The following CELA1 variants were observed in gnomAD, a reference collection of about 807,000 sequenced individuals.
CELA1 encodes chymotrypsin like elastase 1.
A neutral mutation model predicts 34.8 loss-of-function variants in CELA1; 28 were observed. The observed-to-expected ratio is 0.80, with a 90% CI of 0.60 to 1.10. The LOEUF (loss-of-function observed/expected upper bound fraction) is 1.10. CELA1 is among the 50% of genes least tolerant of loss of function. CELA1 has a pLI of 0.00. For missense variants in CELA1, 288 were observed against 327.5 expected, an observed-to-expected ratio of 0.88 and a Z score of 0.93; for synonymous variants, 140 against 129.8, an observed-to-expected ratio of 1.08 and a Z score of -0.53.
In CELA1 at chr12:51,328,575, G is replaced by A. The variant is rs200028711; in HGVS notation, c.*2C>T. ...GGAAGGTCGTTGGACTCAGGAAAAT[G>A]TTCAGTTGGAGGCGATGACCTGAAG... is the stretch of plus-strand genomic sequence containing the variant. On this transcript the variant is annotated 3_prime_UTR_variant, in exon 8 of 8. Coordinates refer to ENST00000293636, the MANE Select transcript of CELA1 (RefSeq NM_001971.6). 1 of 1,614,126 alleles carries A rather than the reference G, an allele frequency of 6.2e-7. No homozygotes were observed. Among genetic ancestry groups the A allele is most frequent in the East Asian group, 2.2e-5 (1 of 44,888 alleles).
chr12:51,345,926 C>A, intron 1 of CELA1, 49 bp from the exon 2 acceptor site: 5 of 1,356,636 alleles, frequency 3.7e-6, no homozygotes, highest in African/African-American at 1.5e-5. Context: ...TGGGGTCAGC[C>A]AGGGGTAGGG....
chr12:51,340,388 C>CTTTTTTT (rs11315182), intron 5 of CELA1, among the ~76,000 whole-genome samples: 5 of 121,552 alleles, frequency 4.1e-5, no homozygotes, highest in East Asian at 2.3e-4. Context: ...TTCTTTCTTT[C>CTTTTTTT]TTTTTTTTTT....
In CELA1 at chr12:51,340,628, C is replaced by A. The variant is rs143507345; in HGVS notation, c.463+616G>T. On this transcript the variant is annotated intron_variant, in intron 5 of 7. Transcript: ENST00000293636. The stretch of plus-strand genomic sequence containing the variant: ...TAAGCGATCCTCCTTCCTCAGCCTC[C>A]TGAGTACCTGGGACTACAGACTCAT... Among the ~76,000 whole-genome samples the A allele has an allele frequency of 4.9e-3, 753 of 152,144 alleles. 5 individuals are homozygous for A. Among genetic ancestry groups the A allele is most frequent in the African/African-American group, 0.017 (695 of 41,520 alleles).
At chr12:51,333,504 C>T (rs1946483811) in intron 6 of CELA1, among the ~76,000 whole-genome samples, 1 of 151,944 alleles carries the variant, frequency 6.6e-6, no homozygotes, top group African/African-American at 2.4e-5. Context: ...AGCAGTCCTC[C>T]CACTTCAGTA....
In CELA1 at chr12:51,338,490, C is replaced by A. The variant is rs561909814; in HGVS notation, c.609+1370G>T. Among the ~76,000 whole-genome samples the A allele has an allele frequency of 2.0e-5, 3 of 152,134 alleles. No homozygotes were observed. In the East Asian group the frequency reaches 5.8e-4, roughly 29 times the overall value. ...TCTTGGCCCCCTGCCTTTATTCATGCCGTTCCCTCCCTCTGAATGTCTTTT... is the reference window on the plus strand; with the variant it reads ...TCTTGGCCCCCTGCCTTTATTCATGACGTTCCCTCCCTCTGAATGTCTTTT... On this transcript the variant is annotated intron_variant, in intron 6 of 7. Transcript: ENST00000293636.
chr12:51,333,318 T>G (rs550816161), intron 6 of CELA1, among the ~76,000 whole-genome samples: 1 of 152,026 alleles, frequency 6.6e-6, no homozygotes, highest in East Asian at 1.9e-4. Flanking sequence ...GGTCTTGAAC[T>G]CCTGACCTCA....
intron 6 of CELA1, among the ~76,000 whole-genome samples, chr12:51,334,834 C>G (rs889021371): frequency 1.1e-4 from 17 of 152,086 alleles, no homozygotes; most frequent in Non-Finnish European, 1.9e-4. Context: ...GTCCTTTTAC[C>G]CCAATCATGC....
intron 4 of CELA1, 64 bp from the exon 5 acceptor site, chr12:51,341,444 C>T (rs1480193187): frequency 6.4e-7 from 1 of 1,560,976 alleles, no homozygotes; most frequent in African/African-American, 1.4e-5. Context: ...AGCATATACA[C>T]TGGCCCTCTC....
rs780202938 is a variant in CELA1, at chr12:51,342,692, G to A, written c.209C>T (p.Thr70Ile). 6.2e-7 allele frequency: 1 copy of A among 1,614,130 alleles called. No homozygotes were observed. Among genetic ancestry groups the A allele is most frequent in the Non-Finnish European group, 8.5e-7 (1 of 1,179,990 alleles). Residue 70 changes from threonine (T) to isoleucine (I), a missense_variant, in exon 4 of 8, where the codon ACT (threonine) becomes ATT (isoleucine). Coordinates refer to ENST00000293636, the MANE Select transcript of CELA1 (RefSeq NM_001971.6). ...ATGGTCTCCAGCCACCACGCGGAAA[G>A]TCTTCTGGCTGGCGTGAGAGAAGGA... The part of the protein sequence containing the change: ...TAAHCVDYQK[T>I]FRVVAGDHNL...
intron 5 of CELA1, among the ~76,000 whole-genome samples, chr12:51,340,578 G>A (rs545434810): frequency 5.9e-5 from 9 of 151,892 alleles, no homozygotes; most frequent in Admixed American, 2.6e-4. Flanking sequence ...TAGTAGAGAT[G>A]GGGTTTCTCC....
chr12:51,331,117 G>A (rs1192442945), intron 6 of CELA1, among the ~76,000 whole-genome samples: 1 of 119,792 alleles, frequency 8.3e-6, no homozygotes, highest in African/African-American at 3.1e-5. Flanking sequence ...GGCTGGGCAT[G>A]GTGGCTCCAC....
intron 4 of CELA1, 124 bp downstream of exon 4, chr12:51,342,451 G>T: frequency 7.2e-7 from 1 of 1,391,360 alleles, no homozygotes; most frequent in Non-Finnish European, 9.9e-7. Flanking sequence ...CAGGCCAGGA[G>T]CCACGGACCA....
At chr12:51,346,551 C>T (rs906236737) in intron 1 of CELA1, 72 bp downstream of exon 1, 7 of 1,424,322 alleles carry the variant, frequency 4.9e-6, no homozygotes, top group Middle Eastern at 1.8e-4. Flanking sequence ...AGTCCCCCTC[C>T]CTATAGACCT....
At chr12:51,339,198 T>G (rs528686100) in intron 6 of CELA1, among the ~76,000 whole-genome samples, 3 of 152,074 alleles carry the variant, frequency 2.0e-5, no homozygotes, top group Middle Eastern at 3.2e-3. Context: ...GGGTACTGCT[T>G]ATACAGCATC....
At position 51,342,720 on chromosome 12, in the gene CELA1, C is replaced by T. The variant is rs776017503; in HGVS notation, c.201-20G>A. 6 of 1,613,772 alleles carry T rather than the reference C, an allele frequency of 3.7e-6. 1 individual carries two copies. Among genetic ancestry groups the T allele is most frequent in the Non-Finnish European group, 5.1e-6 (6 of 1,179,846 alleles). ...TTCTGGCTGGCGTGAGAGAAGGAAT[C>T]CCTGAGTCATCCAGGGGACTCAAAC... On this transcript the variant is annotated intron_variant, in intron 3 of 7. Coordinates refer to ENST00000293636, the MANE Select transcript of CELA1 (RefSeq NM_001971.6).
At chr12:51,334,894 G>A (rs993229016) in intron 6 of CELA1, among the ~76,000 whole-genome samples, 1 of 152,180 alleles carries the variant, frequency 6.6e-6, no homozygotes, top group African/African-American at 2.4e-5. Flanking sequence ...CCATGTGGTC[G>A]TAGTCTGGTC....
intron 6 of CELA1, among the ~76,000 whole-genome samples, chr12:51,330,981 A>AG (rs1205727728): frequency 6.6e-6 from 1 of 151,436 alleles, no homozygotes; most frequent in Non-Finnish European, 1.5e-5. Flanking sequence ...AAAAAAAAAA[A>AG]AAAAAAGGAA....
At chr12:51,330,692 C>T (rs1244785746) in intron 6 of CELA1, among the ~76,000 whole-genome samples, 4 of 152,170 alleles carry the variant, frequency 2.6e-5, no homozygotes, top group African/African-American at 7.2e-5. Flanking sequence ...TGCCTCTAGC[C>T]GGGCCCAGTG....
chr12:51,345,437 GAC>G (rs755221223), intron 2 of CELA1, among the ~76,000 whole-genome samples: 5 of 152,240 alleles, frequency 3.3e-5, no homozygotes, highest in African/African-American at 9.6e-5. Flanking sequence ...CAAGCATTGT[GAC>G]ACACACAGTG....
Sources: allele counts gnomAD v4.1 joint callset (sites outside exome capture counted in the v4.1 genomes callset), GRCh38; gene constraint gnomAD v4.1.1; transcripts MANE v1.5; gene names NCBI Gene and HGNC (gene_info 2026-07-23, HGNC 2026-07-21).